The following TRPM8 variants were observed in gnomAD, a reference collection of about 807,000 sequenced individuals.
The protein encoded by TRPM8 is transient receptor potential cation channel subfamily M member 8.
TRPM8 carries 110 observed loss-of-function variants against 133.7 expected under a neutral mutation model. The ratio of observed to expected loss-of-function variants is 0.82; its 90% CI spans 0.70 to 0.96. The LOEUF (loss-of-function observed/expected upper bound fraction) is 0.96. Ranked by LOEUF, TRPM8 falls within the 40% of genes least tolerant of loss-of-function variation. The probability of loss-of-function intolerance (pLI) is 0.00; values close to 1 mark genes in which losing one functional copy is unlikely to be tolerated. For missense variants in TRPM8, 1,291 were observed against 1,379.5 expected, an observed-to-expected ratio of 0.94 and a Z score of 1.02; for synonymous variants, 535 against 532.3, an observed-to-expected ratio of 1.01 and a Z score of -0.07.
chr2:233,928,234 G>C (rs1202863359), intron 2 of TRPM8, among the ~76,000 whole-genome samples: 2 of 152,022 alleles, frequency 1.3e-5, no homozygotes, highest in African/African-American at 4.8e-5. Flanking sequence ...CTCCCAAAGT[G>C]CTGGGATCAC....
chr2:233,942,233 C>A (rs1227931282), intron 5 of TRPM8, among the ~76,000 whole-genome samples: 1 of 152,060 alleles, frequency 6.6e-6, no homozygotes, highest in Non-Finnish European at 1.5e-5. Flanking sequence ...GCGGCCATCA[C>A]CACGCCTGGC....
intron 17 of TRPM8, among the ~76,000 whole-genome samples, chr2:233,974,211 C>CA (rs1021389811): frequency 2.0e-5 from 3 of 151,808 alleles, no homozygotes; most frequent in Non-Finnish European, 4.4e-5. Flanking sequence ...GGGTAAGTGC[C>CA]AAATTTTTTT....
At chr2:233,940,015 T>C (rs536098121) in intron 5 of TRPM8, among the ~76,000 whole-genome samples, 8 of 152,166 alleles carry the variant, frequency 5.3e-5, no homozygotes, top group Non-Finnish European at 1.0e-4. Context: ...ACATTCTTTT[T>C]TCTCAGTTTG....
chr2:234,013,137 C>A (rs1692882239), intron 24 of TRPM8: 1 of 152,162 alleles, frequency 6.6e-6, no homozygotes, highest in African/African-American at 2.4e-5. Context: ...GCTGGCCTCA[C>A]ACAATGAATT....
Position 233,985,762 on chromosome 2 carries a change from C to T in TRPM8, c.2836C>T (p.His946Tyr). Residue 946 changes from histidine (H) to tyrosine (Y), a missense_variant, in exon 21 of 26, where the codon CAC (histidine) becomes TAC (tyrosine). This residue lies in a region of TRPM8 where 328 missense variants were observed against 410.6 expected (regional missense o/e 0.80). Transcript: ENST00000324695. ...GCCACTGTGTGTGGAGCTGGATGAGCACAACCTGCCCCGGTTCCCCGAGTG... is the reference window on the plus strand; with the variant it reads ...GCCACTGTGTGTGGAGCTGGATGAGTACAACCTGCCCCGGTTCCCCGAGTG... ...SKPLCVELDE[H>Y]NLPRFPEWIT... 2 of 1,614,230 alleles carry T rather than the reference C, an allele frequency of 1.2e-6. No individual in the cohort carries two copies.
At position 234,016,073 on chromosome 2, in the gene TRPM8, C is replaced by T. The variant is rs562690981; in HGVS notation, c.*43-1226C>T. On this transcript the variant is annotated intron_variant, in intron 25 of 25. Coordinates refer to ENST00000324695, the MANE Select transcript of TRPM8 (RefSeq NM_024080.5). ...TCAAATGTGCTGACTGTGAGTAAAACGGGCAGACAGACTGATTTCCTATCA... is the reference window on the plus strand; with the variant it reads ...TCAAATGTGCTGACTGTGAGTAAAATGGGCAGACAGACTGATTTCCTATCA... Among the ~76,000 whole-genome samples, 75 of 152,264 alleles carry T rather than the reference C, an allele frequency of 4.9e-4. 1 individual carries two copies. Among genetic ancestry groups the T allele is most frequent in the African/African-American group, 1.7e-3 (70 of 41,548 alleles).
chr2:234,018,229 G>GT lies in TRPM8; in HGVS notation c.*978dup, dbSNP rs1240337330. 1 of 151,758 alleles carries GT rather than the reference G, an allele frequency of 6.6e-6. No homozygotes were observed. 9.4% of individuals were successfully genotyped at this position (151,758 alleles called of 1,614,324 possible). On this transcript the variant is annotated 3_prime_UTR_variant, in exon 26 of 26. Transcript: ENST00000324695. Reference sequence around the variant, plus strand: ...TTTCACTTAGTATTTTATCAAATATGTTTTTATTATATTCATAGCCTTCTT... The same window carrying GT: ...TTTCACTTAGTATTTTATCAAATATGTTTTTTATTATATTCATAGCCTTCTT...
At chr2:233,960,419 G>A (rs892818396) in intron 11 of TRPM8, among the ~76,000 whole-genome samples, 4 of 152,026 alleles carry the variant, frequency 2.6e-5, no homozygotes, top group Admixed American at 6.5e-5. Flanking sequence ...CCCCACCCCC[G>A]ATTGAGTATT....
In TRPM8 at chr2:233,927,920, CTCTT is replaced by C. The variant is rs1276609182; in HGVS notation, c.117+1270_117+1273del. 4.5e-3 allele frequency among the ~76,000 whole-genome samples: 161 copies of C among 35,580 alleles called. 3 individuals carry two copies. The highest frequency in any genetic ancestry group is 9.4e-3 in the South Asian group (7 of 744). The allele number at this position is 35,580 out of a possible 152,430, so 23.3% of individuals were successfully genotyped here. On this transcript the variant is annotated intron_variant, in intron 2 of 25. Coordinates refer to ENST00000324695, the MANE Select transcript of TRPM8 (RefSeq NM_024080.5). ...TTTCTTTCTTTCTTTCTCTCTCTCT[CTCTT>C]TCTCTCTCTCTCTCTCTCTCTCTCT...
In TRPM8 at chr2:234,006,912, C is replaced by T; in HGVS notation, c.3190C>T (p.Leu1064Phe). Residue 1064 changes from leucine (L) to phenylalanine (F), a missense_variant, in exon 23 of 26, where the codon CTT becomes TTT. Around this residue, in one of 2 missense-constraint regions of TRPM8, gnomAD observed 328 missense variants for 410.6 expected, o/e 0.80. Transcript: ENST00000324695. ...AWEGVMKENY[L>F]VKINTKANDT... ...GGAGGGTGTCATGAAGGAAAACTAC[C>T]TTGTCAAGATCAACACAAAAGCCAA... 1 of 1,613,894 alleles carries T rather than the reference C, an allele frequency of 6.2e-7. No individual in the cohort carries two copies.
intron 14 of TRPM8, among the ~76,000 whole-genome samples, chr2:233,965,098 G>A (rs1201102185): frequency 1.3e-5 from 2 of 151,928 alleles, no homozygotes; most frequent in South Asian, 4.2e-4. Flanking sequence ...ATTGTGACAG[G>A]GCTGAGATTT....
intron 22 of TRPM8, among the ~76,000 whole-genome samples, chr2:234,000,489 G>T (rs1692530049): frequency 6.6e-6 from 1 of 152,072 alleles, no homozygotes. Flanking sequence ...AGGCTTCCTT[G>T]ATATTTATAA....
intron 9 of TRPM8, among the ~76,000 whole-genome samples, chr2:233,952,476 G>T (rs757249555): frequency 1.7e-4 from 26 of 151,902 alleles, no homozygotes; most frequent in Non-Finnish European, 2.9e-5. Context: ...TGGGGTTGTG[G>T]TGGTGGTGGG....
intron 1 of TRPM8, among the ~76,000 whole-genome samples, chr2:233,926,033 G>C (rs1031863798): frequency 2.0e-4 from 30 of 152,146 alleles, no homozygotes; most frequent in African/African-American, 7.2e-4. Context: ...TGACCCCCAA[G>C]CCCTACCCAC....
intron 25 of TRPM8, among the ~76,000 whole-genome samples, chr2:234,016,851 G>A (rs761311584): frequency 4.6e-5 from 7 of 152,056 alleles, no homozygotes; most frequent in Non-Finnish European, 8.8e-5. Flanking sequence ...ATAATAGTCC[G>A]TTGATTCTTG....
chr2:233,933,257 C>T (rs905945367), intron 3 of TRPM8, among the ~76,000 whole-genome samples: 2 of 152,092 alleles, frequency 1.3e-5, no homozygotes, highest in African/African-American at 2.4e-5. Context: ...ATTCTATGTC[C>T]GCACCATCCA....
At chr2:233,918,694 A>C (rs1448621841) in intron 1 of TRPM8, among the ~76,000 whole-genome samples, 2 of 152,164 alleles carry the variant, frequency 1.3e-5, no homozygotes, top group Non-Finnish European at 2.9e-5. Flanking sequence ...CAATTAGAAA[A>C]ACAGGATAAT....
intron 17 of TRPM8, among the ~76,000 whole-genome samples, chr2:233,975,536 C>A (rs1270888405): frequency 1.3e-5 from 2 of 152,244 alleles, no homozygotes; most frequent in Non-Finnish European, 2.9e-5. Flanking sequence ...TGCATTAAGG[C>A]TTGGAAGCTG....
chr2:233,927,920 C>T (rs7420034), intron 2 of TRPM8, among the ~76,000 whole-genome samples: 1,196 of 35,184 alleles, frequency 0.034, 165 homozygotes, highest in African/African-American at 0.26. Context: ...CTCTCTCTCT[C>T]TCTTTCTCTC....
Sources: allele counts gnomAD v4.1 joint callset (sites outside exome capture counted in the v4.1 genomes callset), GRCh38; gene constraint gnomAD v4.1.1; regional missense constraint gnomAD v4.1.1; transcripts MANE v1.5; gene names NCBI Gene and HGNC (gene_info 2026-07-23, HGNC 2026-07-21).